Variants in NRCAM observed in about 807,000 individuals in gnomAD.
NRCAM encodes neuronal cell adhesion molecule, also known as NgCAM-related cell adhesion molecule.
NRCAM carries 83 observed loss-of-function variants against 156.5 expected under a neutral mutation model. The ratio of observed to expected loss-of-function variants is 0.53; its 90% CI spans 0.44 to 0.64. The LOEUF (loss-of-function observed/expected upper bound fraction) is 0.64, where lower values mean the gene tolerates loss of function less well. Among genes scored for constraint, NRCAM ranks in the 30% least tolerant of loss-of-function variants. The probability of loss-of-function intolerance (pLI) is 0.00; values close to 1 mark genes in which losing one functional copy is unlikely to be tolerated. For synonymous variants in NRCAM, 538 were observed against 563.9 expected, an observed-to-expected ratio of 0.95 and a Z score of 0.65; for missense variants, 1,417 against 1,597.3, an observed-to-expected ratio of 0.89 and a Z score of 1.92.
At chr7:108,225,799 C>A in intron 9 of NRCAM, 98 bp from the exon 10 acceptor site, 1 of 793,464 alleles carries the variant, frequency 1.3e-6, no homozygotes, top group Non-Finnish European at 2.3e-6. Context: ...CTATCCTGAC[C>A]GAGTGCTGTT....
chr7:108,183,734 A>C (rs2064961670), intron 22 of NRCAM, among the ~76,000 whole-genome samples: 1 of 151,914 alleles, frequency 6.6e-6, no homozygotes, highest in African/African-American at 2.4e-5. Flanking sequence ...ACGGGGTTTC[A>C]CCATGTTGGT....
At chr7:108,299,193 G>A (rs1227376476) in intron 3 of NRCAM, among the ~76,000 whole-genome samples, 2 of 149,056 alleles carry the variant, frequency 1.3e-5, no homozygotes, top group Non-Finnish European at 3.0e-5. Context: ...ACGCAAAGGG[G>A]CCAGGGAAAG....
intron 19 of NRCAM, among the ~76,000 whole-genome samples, chr7:108,190,906 T>C (rs1489392660): frequency 6.6e-6 from 1 of 151,036 alleles, no homozygotes; most frequent in Non-Finnish European, 1.5e-5. Context: ...TAGAATGATA[T>C]TAGAAATAGC....
rs115412013 is a variant in NRCAM, at chr7:108,223,525, A to T, written c.890+200T>A. Among the ~76,000 whole-genome samples the T allele has an allele frequency of 4.8e-3, 727 of 152,276 alleles. 10 individuals carry two copies. Among genetic ancestry groups the T allele is most frequent in the African/African-American group, 0.017 (700 of 41,538 alleles). On this transcript the variant is annotated intron_variant, in intron 11 of 32. Coordinates refer to ENST00000379028, the MANE Select transcript of NRCAM (RefSeq NM_001037132.4). ...GTGATTACTGATACTTATTTCAATA[A>T]GATTACTATTACATTAAAAAAATTA...
chr7:108,414,647 G>T (rs1190614104), intron 1 of NRCAM, among the ~76,000 whole-genome samples: 1 of 152,190 alleles, frequency 6.6e-6, no homozygotes, highest in South Asian at 2.1e-4. Flanking sequence ...CAGTGTTTTA[G>T]AAAATGGGAG....
At chr7:108,311,295 C>A (rs1353648069) in intron 3 of NRCAM, among the ~76,000 whole-genome samples, 1 of 152,160 alleles carries the variant, frequency 6.6e-6, no homozygotes, top group Non-Finnish European at 1.5e-5. Flanking sequence ...TAGTTTCTAA[C>A]AACTGTAATT....
At chr7:108,333,419 T>C (rs1395842454) in intron 2 of NRCAM, among the ~76,000 whole-genome samples, 3 of 152,190 alleles carry the variant, frequency 2.0e-5, no homozygotes, top group African/African-American at 2.4e-5. Context: ...AAGGAATTCA[T>C]TTGTAAAACT....
chr7:108,337,498 G>A (rs751181836), intron 2 of NRCAM, among the ~76,000 whole-genome samples: 4 of 152,118 alleles, frequency 2.6e-5, no homozygotes, highest in Non-Finnish European at 2.9e-5. Flanking sequence ...CTGATCCAGC[G>A]AGGGGCCCAT....
chr7:108,359,232 TG>T (rs1269464112), intron 2 of NRCAM, among the ~76,000 whole-genome samples: 1 of 152,232 alleles, frequency 6.6e-6, no homozygotes, highest in Non-Finnish European at 1.5e-5. Flanking sequence ...ATGAAGCAGA[TG>T]TAAGTCTTGC....
chr7:108,150,058 A>G lies in NRCAM; in HGVS notation c.3767T>C (p.Val1256Ala). ...GCCATTAACCCCTTCTCCATAGTCA[A>G]CTAGGCTGTCGTCACTATCTTCTTT... ...VKKEDSDDSL[V>A]DYGEGVNGQF... Residue 1256 changes from valine to alanine, a missense_variant, in exon 33 of 33, where the codon GTT becomes GCT. Val to Ala is a moderately conservative substitution (Grantham distance 64). Transcript: ENST00000379028. 1 of 1,614,068 alleles carries G rather than the reference A, an allele frequency of 6.2e-7. No individual in the cohort carries two copies. Among genetic ancestry groups the G allele is most frequent in the Non-Finnish European group, 8.5e-7 (1 of 1,179,962 alleles).
intron 3 of NRCAM, among the ~76,000 whole-genome samples, chr7:108,260,417 T>G (rs2049862): frequency 0.026 from 3,998 of 152,092 alleles, 182 homozygotes; most frequent in African/African-American, 0.09. Flanking sequence ...TAGGGAGGAA[T>G]GAGGTACAAG....
chr7:108,455,790 G>C (rs931775439), intron 1 of NRCAM, among the ~76,000 whole-genome samples: 1 of 152,116 alleles, frequency 6.6e-6, no homozygotes, highest in Non-Finnish European at 1.5e-5. Context: ...TCGCCCCGCC[G>C]GCACTGTGGC....
intron 13 of NRCAM, among the ~76,000 whole-genome samples, chr7:108,205,874 T>G (rs754418596): frequency 1.2e-4 from 19 of 152,170 alleles, no homozygotes; most frequent in Non-Finnish European, 2.8e-4. Context: ...CAGGCTCACA[T>G]GAGCCACCAT....
intron 2 of NRCAM, among the ~76,000 whole-genome samples, chr7:108,319,958 A>G (rs1253623711): frequency 3.3e-5 from 5 of 152,200 alleles, no homozygotes; most frequent in Admixed American, 2.0e-4. Flanking sequence ...AAGAGGAATG[A>G]TTTGATCACA....
At chr7:108,185,980 G>A (rs2066533945) in intron 20 of NRCAM, among the ~76,000 whole-genome samples, 1 of 152,196 alleles carries the variant, frequency 6.6e-6, no homozygotes, top group Non-Finnish European at 1.5e-5. Flanking sequence ...GAGGAGCTGG[G>A]AGACAGGGGC....
intron 2 of NRCAM, among the ~76,000 whole-genome samples, chr7:108,316,918 G>A (rs2098933023): frequency 6.6e-6 from 1 of 152,200 alleles, no homozygotes; most frequent in Non-Finnish European, 1.5e-5. Flanking sequence ...TCCAGGGTCT[G>A]TATTTCCAGT....
At chr7:108,224,597 T>C (rs1589025670) in intron 10 of NRCAM, among the ~76,000 whole-genome samples, 1 of 152,252 alleles carries the variant, frequency 6.6e-6, no homozygotes, top group South Asian at 2.1e-4. Flanking sequence ...AGAAATTACA[T>C]CATCTTAAGG....
At chr7:108,201,886 C>T (rs1356109652) in intron 13 of NRCAM, among the ~76,000 whole-genome samples, 1 of 152,088 alleles carries the variant, frequency 6.6e-6, no homozygotes, top group African/African-American at 2.4e-5. Flanking sequence ...AGTAAGCAGA[C>T]CTCTCTCCAT....
At chr7:108,168,611 T>A (rs141035599) in intron 28 of NRCAM, among the ~76,000 whole-genome samples, 1 of 152,204 alleles carries the variant, frequency 6.6e-6, no homozygotes, top group African/African-American at 2.4e-5. Flanking sequence ...TCAGAAATAA[T>A]GACGCATAAT....
Sources: gnomAD v4.1 joint callset for allele counts (sites outside exome capture counted in the v4.1 genomes callset) on GRCh38, gnomAD v4.1.1 for gene constraint, MANE v1.5 for transcripts, NCBI Gene and HGNC (gene_info 2026-07-23, HGNC 2026-07-21) for gene names.